MBTPS1: variants seen among roughly 807,000 people sequenced by gnomAD.
The protein encoded by MBTPS1 is membrane-bound transcription factor site-1 protease.
A neutral mutation model predicts 127.8 loss-of-function variants in MBTPS1; 94 were observed. The observed-to-expected ratio is 0.74, with a 90% CI of 0.62 to 0.87. MBTPS1 has a LOEUF of 0.87. Ranked by LOEUF, MBTPS1 falls within the 40% of genes least tolerant of loss-of-function variation. The probability of loss-of-function intolerance (pLI) is 0.00; values close to 1 mark genes in which losing one functional copy is unlikely to be tolerated. For missense variants in MBTPS1, 1,636 were observed against 1,353.2 expected (o/e 1.21, Z -3.28); for synonymous variants, 632 against 509.4 (o/e 1.24, Z -3.24).
chr16:84,102,664 T>C (rs576306557), intron 1 of MBTPS1, among the ~76,000 whole-genome samples: 3 of 152,222 alleles, frequency 2.0e-5, no homozygotes, highest in African/African-American at 7.2e-5. Context: ...ATTTCCCCAG[T>C]TGGCACTTTT....
chr16:84,096,589 T>C (rs1648890849), intron 3 of MBTPS1, among the ~76,000 whole-genome samples: 2 of 152,232 alleles, frequency 1.3e-5, no homozygotes, highest in Non-Finnish European at 2.9e-5. Flanking sequence ...AAGTCATATT[T>C]CAAATCAGTT....
At chr16:84,055,042 C>T (rs899399556) in intron 22 of MBTPS1, among the ~76,000 whole-genome samples, 1 of 152,176 alleles carries the variant, frequency 6.6e-6, no homozygotes, top group African/African-American at 2.4e-5. Context: ...GTGGTTCCAG[C>T]TGAGTGGGAG....
intron 19 of MBTPS1, 86 bp downstream of exon 19, chr16:84,063,219 C>G (rs987303959): frequency 2.4e-5 from 34 of 1,423,182 alleles, no homozygotes; most frequent in Non-Finnish European, 3.3e-5. Context: ...GCTGATCTGC[C>G]AGCATCTCAC....
Position 84,059,408 on chromosome 16 carries a change from A to G in MBTPS1, c.2725T>C (p.Ser909Pro). The G allele has an allele frequency of 1.2e-6, 2 of 1,613,724 alleles. No homozygotes were observed. Among genetic ancestry groups the G allele is most frequent in the Non-Finnish European group, 1.7e-6 (2 of 1,179,662 alleles). The change falls in exon 21 of 23, where the codon TCC (serine) becomes CCC (proline). Residue 909 changes from serine (S) to proline (P), a missense_variant. By Grantham distance (74) the Ser-to-Pro change is moderately conservative. Coordinates refer to ENST00000343411, the MANE Select transcript of MBTPS1 (RefSeq NM_003791.4). ...CCCAAATGGGCCTCCAGAACCTTGGAGTACCGATGAAGATGGTTTCCTGTG... is the reference window on the plus strand; with the variant it reads ...CCCAAATGGGCCTCCAGAACCTTGGGGTACCGATGAAGATGGTTTCCTGTG... ...RMEGNHLHRY[S>P]KVLEAHLGDP...
At chr16:84,061,493 T>A (rs1191736154) in intron 19 of MBTPS1, 1 of 150,382 alleles carries the variant, frequency 6.6e-6, no homozygotes, top group Non-Finnish European at 1.5e-5. Context: ...GAGAGCGGGG[T>A]CTCAGGGGCA....
intron 7 of MBTPS1, among the ~76,000 whole-genome samples, chr16:84,091,225 C>G (rs1479853392): frequency 6.6e-6 from 1 of 152,112 alleles, no homozygotes; most frequent in Non-Finnish European, 1.5e-5. Context: ...GTGGCTCACG[C>G]CTGTAATCCC....
At position 84,097,228 on chromosome 16, in the gene MBTPS1, T is replaced by C. The variant is rs180923249; in HGVS notation, c.422-1423A>G. Among the ~76,000 whole-genome samples, 28 of 152,282 alleles carry C rather than the reference T, an allele frequency of 1.8e-4. No homozygotes were observed. The East Asian group carries it at 5.4e-3, about 29-fold the overall frequency. ...GAGTGAGAATGGTGTCAGCCCAAAA[T>C]AAAGCAAAACCTTCTACGAGTAACA... is the stretch of plus-strand genomic sequence containing the variant. On this transcript the variant is annotated intron_variant, in intron 3 of 22. Transcript: ENST00000343411.
intron 10 of MBTPS1, among the ~76,000 whole-genome samples, chr16:84,084,415 G>A (rs2085987813): frequency 6.6e-6 from 1 of 152,210 alleles, no homozygotes; most frequent in African/African-American, 2.4e-5. Context: ...ATTAAAAGGT[G>A]AGTCCCCTTC....
In MBTPS1 at chr16:84,085,153, T is replaced by C; in HGVS notation, c.1135-19A>G. 1 of 1,613,140 alleles carries C rather than the reference T, an allele frequency of 6.2e-7. No homozygotes were observed. Among genetic ancestry groups the C allele is most frequent in the East Asian group, 2.2e-5 (1 of 44,870 alleles). On this transcript the variant is annotated intron_variant, in intron 9 of 22. Transcript: ENST00000343411. ...GTAGCTCCTATGAATAAAAGCAGCT[T>C]GGTTGCTACATCTCGCACATTGGCA...
rs998960916 is a variant in MBTPS1, at chr16:84,102,065, C to T, written c.-282G>A. 1.9e-5 allele frequency: 6 copies of T among 315,434 alleles called. No homozygotes were observed. Among genetic ancestry groups the T allele is most frequent in the Non-Finnish European group, 3.5e-5 (6 of 169,374 alleles). The allele number at this position is 315,434 out of a possible 1,614,324, so 19.5% of individuals were successfully genotyped here. On this transcript the variant is annotated 5_prime_UTR_variant, in exon 2 of 23. Transcript: ENST00000343411. ...CCTGTACTCCATTTGTACCACAGAACCAACGTCCAATGGGGTTGATCAATC... is the reference window on the plus strand; with the variant it reads ...CCTGTACTCCATTTGTACCACAGAATCAACGTCCAATGGGGTTGATCAATC...
At position 84,063,346 on chromosome 16, in the gene MBTPS1, T is replaced by G; in HGVS notation, c.2531A>C (p.Tyr844Ser). ...GTCATCCAAGCAATTGGAGTCCCCA[T>G]ACAGTACAATCCGGCCTCCACCCTC... ...PAEGGGRIVLYGDSNCLDDSH... is the reference protein window; with the variant it reads ...PAEGGGRIVLSGDSNCLDDSH... Residue 844 changes from tyrosine (Y) to serine (S), a missense_variant, in exon 19 of 23, where the codon TAT becomes TCT. Physicochemically the swap from Tyr to Ser is moderately radical, Grantham distance 144. Coordinates refer to ENST00000343411, the MANE Select transcript of MBTPS1 (RefSeq NM_003791.4). 6.2e-7 allele frequency: 1 copy of G among 1,614,136 alleles called. No individual in the cohort carries two copies. The highest frequency in any genetic ancestry group is 1.1e-5 in the South Asian group (1 of 91,086).
In MBTPS1 at chr16:84,091,774, G is replaced by A. The variant is rs755324625; in HGVS notation, c.921C>T (p.Ser307=). The A allele has an allele frequency of 7.4e-6, 12 of 1,614,022 alleles. No individual in the cohort carries two copies. Among genetic ancestry groups the A allele is most frequent in the East Asian group, 2.2e-5 (1 of 44,886 alleles). Residue 307 remains serine (S), a synonymous_variant, in exon 7 of 23, where the codon AGC becomes AGT. Transcript: ENST00000343411. The stretch of plus-strand genomic sequence containing the variant: ...GATCCATGAAGTCCGGGCCGCCGAT[G>A]CTGAGGTTTAACACGTCGATCTTCT... The part of the protein sequence containing the change: ...ILKKIDVLNL[S]IGGPDFMDHP...
At position 84,056,008 on chromosome 16, in the gene MBTPS1, C is replaced by T. The variant is rs1458830366; in HGVS notation, c.2959G>A (p.Gly987Arg). The change falls in exon 22 of 23, where the codon GGA becomes AGA. Residue 987 changes from glycine to arginine, a missense_variant. By Grantham distance (125) the Gly-to-Arg change is moderately radical. Transcript: ENST00000343411. The part of the protein sequence containing the change: ...PGESGAWDIP[G>R]GIMPGRYNQE... ...CACAAAGCAGCCGAGAACTCACCTC[C>T]AGGAATGTCCCAGGCGCCGCTCTCT... The T allele has an allele frequency of 5.0e-6, 8 of 1,611,702 alleles. No individual in the cohort carries two copies. In the South Asian group the frequency reaches 8.8e-5, roughly 18 times the overall value.
intron 1 of MBTPS1, among the ~76,000 whole-genome samples, chr16:84,103,999 T>C (rs899078718): frequency 6.6e-5 from 10 of 152,166 alleles, no homozygotes; most frequent in African/African-American, 2.2e-4. Flanking sequence ...CCTAACAGGT[T>C]TGACAGAAGT....
intron 14 of MBTPS1, among the ~76,000 whole-genome samples, chr16:84,069,341 G>T (rs190818363): frequency 6.6e-6 from 1 of 152,346 alleles, no homozygotes; most frequent in Admixed American, 6.5e-5. Context: ...AGGGCTGCAT[G>T]GGTCACACCA....
At chr16:84,103,397 T>C (rs905977009) in intron 1 of MBTPS1, among the ~76,000 whole-genome samples, 3 of 151,986 alleles carry the variant, frequency 2.0e-5, no homozygotes, top group Admixed American at 6.6e-5. Context: ...TAGCTGGGAC[T>C]ATAGGCATGC....
intron 18 of MBTPS1, among the ~76,000 whole-genome samples, chr16:84,064,460 C>G (rs1451582501): frequency 6.6e-6 from 1 of 152,048 alleles, no homozygotes; most frequent in Non-Finnish European, 1.5e-5. Flanking sequence ...ATTTTGTACC[C>G]AAAAGATTAT....
At chr16:84,081,675 T>C (rs1027013240) in intron 11 of MBTPS1, 72 bp downstream of exon 11, 1 of 1,188,164 alleles carries the variant, frequency 8.4e-7, no homozygotes, top group Non-Finnish European at 1.1e-6. Flanking sequence ...GGCTTGTATT[T>C]TGTGCAGAGG....
chr16:84,080,468 G>A (rs2085924393), intron 11 of MBTPS1, among the ~76,000 whole-genome samples: 1 of 152,238 alleles, frequency 6.6e-6, no homozygotes, highest in South Asian at 2.1e-4. Flanking sequence ...GCTGCACAGT[G>A]GAGACACCTG....
Sources: gnomAD v4.1 joint callset for allele counts (sites outside exome capture counted in the v4.1 genomes callset) on GRCh38, gnomAD v4.1.1 for gene constraint, MANE v1.5 for transcripts, NCBI Gene and HGNC (gene_info 2026-07-23, HGNC 2026-07-21) for gene names.